AFG3L2: variants seen among roughly 807,000 people sequenced by gnomAD.
AFG3L2 encodes the protein AFG3 like matrix AAA peptidase subunit 2.
A neutral mutation model predicts 94.5 loss-of-function variants in AFG3L2; 54 were observed. The observed-to-expected ratio is 0.57, with a 90% CI of 0.46 to 0.72. AFG3L2 has a LOEUF of 0.72. Ranked by LOEUF, AFG3L2 falls within the 30% of genes least tolerant of loss-of-function variation. The pLI is 0.00. For synonymous variants in AFG3L2, 377 were observed against 365.5 expected, an observed-to-expected ratio of 1.03 and a Z score of -0.36; for missense variants, 754 against 994.9, an observed-to-expected ratio of 0.76 and a Z score of 3.26.
chr18:12,344,278 C>T, intron 13 of AFG3L2, 31 bp from the exon 14 acceptor site: 2 of 1,562,524 alleles, frequency 1.3e-6, no homozygotes, highest in Non-Finnish European at 1.8e-6. Flanking sequence ...AAACCCAAGC[C>T]ATTGTTACAG....
chr18:12,376,989 C>A lies in AFG3L2; in HGVS notation c.94G>T (p.Glu32Ter). The change falls in exon 1 of 17, where the codon GAG becomes TAG. Residue 32 changes from glutamate (E) to a stop codon, truncating the protein, a stop_gained. Transcript: ENST00000269143. LOFTEE classifies it high-confidence loss of function. The stretch of plus-strand genomic sequence containing the variant: ...CTCACCGTCCGGAGGCAGGGCTGCT[C>A]GCCCGGGCCCACGCCGCCAGGCACG... The part of the protein sequence containing the change: ...LLVPGGVGPG[E>*]QPCLRTLYRF... 2 of 1,460,208 alleles carry A rather than the reference C, an allele frequency of 1.4e-6. No homozygotes were observed. Among genetic ancestry groups the A allele is most frequent in the South Asian group, 2.6e-5 (2 of 76,008 alleles). The allele number at this position is 1,460,208 out of a possible 1,614,324, so 90.5% of individuals were successfully genotyped here.
At chr18:12,333,039 T>C (rs866849145) in intron 16 of AFG3L2, among the ~76,000 whole-genome samples, 57 of 45,088 alleles carry the variant, frequency 1.3e-3, no homozygotes, top group South Asian at 4.3e-3. Context: ...TAAAAATATA[T>C]AATCTATTAT....
chr18:12,350,136 G>A lies in AFG3L2; in HGVS notation c.1552+949C>T, dbSNP rs1018058740. Among the ~76,000 whole-genome samples, 8 of 151,562 alleles carry A rather than the reference G, an allele frequency of 5.3e-5. No individual in the cohort carries two copies. In the South Asian group the frequency reaches 1.5e-3, roughly 28 times the overall value. On this transcript the variant is annotated intron_variant, in intron 12 of 16. Coordinates refer to ENST00000269143, the MANE Select transcript of AFG3L2 (RefSeq NM_006796.3). Reference sequence around the variant, plus strand: ...AGCCATTCTCCTGCCTCAGCCTCCCGAACAGCTGGGATTACAGGCATGCAC... The same window carrying A: ...AGCCATTCTCCTGCCTCAGCCTCCCAAACAGCTGGGATTACAGGCATGCAC...
chr18:12,366,172 G>A (rs113685127), intron 5 of AFG3L2, among the ~76,000 whole-genome samples: 5,145 of 152,020 alleles, frequency 0.034, 262 homozygotes, highest in African/African-American at 0.12. Context: ...CACTACGCCC[G>A]GCCACTGCAT....
intron 16 of AFG3L2, among the ~76,000 whole-genome samples, chr18:12,331,077 G>A (rs1270225748): frequency 6.6e-6 from 1 of 152,176 alleles, no homozygotes; most frequent in Non-Finnish European, 1.5e-5. Context: ...CCATGTAGAT[G>A]GTGGTCCCGT....
intron 13 of AFG3L2, among the ~76,000 whole-genome samples, chr18:12,346,250 T>G (rs1042131613): frequency 6.6e-6 from 1 of 152,152 alleles, no homozygotes; most frequent in African/African-American, 2.4e-5. Context: ...ATGTGAGCAC[T>G]GGGTAACATT....
At chr18:12,337,627 A>C in intron 15 of AFG3L2, 92 bp from the exon 16 acceptor site, 1 of 1,207,932 alleles carries the variant, frequency 8.3e-7, no homozygotes, top group Non-Finnish European at 1.2e-6. Flanking sequence ...AAAGTGCACA[A>C]AGGTGCTCTG....
At chr18:12,344,780 C>T (rs1347401126) in intron 13 of AFG3L2, among the ~76,000 whole-genome samples, 1 of 152,058 alleles carries the variant, frequency 6.6e-6, no homozygotes, top group Non-Finnish European at 1.5e-5. Flanking sequence ...AATACAACTA[C>T]AGCAAAAATG....
intron 16 of AFG3L2, among the ~76,000 whole-genome samples, chr18:12,335,562 A>ACAT (rs1171627640): frequency 1.3e-5 from 2 of 152,140 alleles, no homozygotes; most frequent in Non-Finnish European, 2.9e-5. Flanking sequence ...TTCCCTGGGT[A>ACAT]CATCCTCAAC....
chr18:12,365,968 G>A (rs1212500992), intron 5 of AFG3L2, among the ~76,000 whole-genome samples: 14 of 143,880 alleles, frequency 9.7e-5, no homozygotes, highest in Non-Finnish European at 1.9e-4. Context: ...TCCGCCTCCC[G>A]GGTTCACGCC....
chr18:12,342,168 A>G (rs1271413564), intron 14 of AFG3L2: 1 of 152,166 alleles, frequency 6.6e-6, no homozygotes, highest in Non-Finnish European at 1.5e-5. Flanking sequence ...ACCCGGCCCC[A>G]TTTTACATTC....
chr18:12,358,670 C>G lies in AFG3L2; in HGVS notation c.1026G>C (p.Lys342Asn). Residue 342 changes from lysine to asparagine, a missense_variant and splice_region_variant, in exon 8 of 17, where the codon AAG becomes AAC. By Grantham distance (94) the Lys-to-Asn change is moderately conservative. Around this residue, in one of 4 missense-constraint regions of AFG3L2, gnomAD observed 109 missense variants for 227.1 expected, o/e 0.48. Transcript: ENST00000269143. The stretch of plus-strand genomic sequence containing the variant: ...AAGTTAATCTTAAATTTCATTTTAC[C>G]TTTGGGATTTTTGCTCCTAGGTCTT... ...QYQDLGAKIP[K>N]GAILTGPPGT... The G allele has an allele frequency of 6.2e-7, 1 of 1,613,976 alleles. No individual in the cohort carries two copies. Among genetic ancestry groups the G allele is most frequent in the African/African-American group, 1.3e-5 (1 of 75,042 alleles).
At chr18:12,332,274 C>A (rs1568131556) in intron 16 of AFG3L2, among the ~76,000 whole-genome samples, 1 of 151,936 alleles carries the variant, frequency 6.6e-6, no homozygotes, top group East Asian at 1.9e-4. Flanking sequence ...CAGGCGTCCA[C>A]CACCACGCCC....
intron 16 of AFG3L2, among the ~76,000 whole-genome samples, chr18:12,333,483 G>GCC (rs2143095862): frequency 6.7e-6 from 1 of 150,244 alleles, no homozygotes; most frequent in South Asian, 2.1e-4. Context: ...TCCCATCTCA[G>GCC]CCTCCAAGTA....
At chr18:12,340,530 G>A in intron 14 of AFG3L2, 129 bp from the exon 15 acceptor site, 1 of 779,894 alleles carries the variant, frequency 1.3e-6, no homozygotes. Context: ...CAGCCTTAGT[G>A]GGATGTGATC....
chr18:12,344,448 T>C (rs1737533801), intron 13 of AFG3L2: 1 of 549,768 alleles, frequency 1.8e-6, no homozygotes. Context: ...GCTGAGGTGG[T>C]CCAATCACTT....
chr18:12,363,966 A>T, intron 5 of AFG3L2, 110 bp from the exon 6 acceptor site: 1 of 882,050 alleles, frequency 1.1e-6, no homozygotes, highest in Non-Finnish European at 1.9e-6. Context: ...GGAAAGAATA[A>T]AGAATCAGAT....
chr18:12,373,454 A>G (rs534359550), intron 1 of AFG3L2, among the ~76,000 whole-genome samples: 7 of 152,344 alleles, frequency 4.6e-5, no homozygotes, highest in African/African-American at 1.7e-4. Flanking sequence ...AATCAGTTAC[A>G]CTATGGCATA....
intron 14 of AFG3L2, 77 bp from the exon 15 acceptor site, chr18:12,340,478 A>C (rs1353122228): frequency 8.6e-7 from 1 of 1,167,888 alleles, no homozygotes; most frequent in Admixed American, 1.7e-5. Flanking sequence ...TAAACAGATA[A>C]ACTCATTGAC....
Sources: gnomAD v4.1 joint callset for allele counts (sites outside exome capture counted in the v4.1 genomes callset) on GRCh38, gnomAD v4.1.1 for gene constraint, gnomAD v4.1.1 regional missense constraint, MANE v1.5 for transcripts, NCBI Gene and HGNC (gene_info 2026-07-23, HGNC 2026-07-21) for gene names.